SLC35F1: variants seen among roughly 807,000 people sequenced by gnomAD.
SLC35F1 encodes chromosome 6 open reading frame 169.
Under a neutral mutation model 48.7 loss-of-function variants are expected in SLC35F1, and 14 were observed. The ratio of observed to expected loss-of-function variants is 0.29; its 90% CI spans 0.19 to 0.45. The LOEUF is 0.45. SLC35F1 is among the 20% of genes least tolerant of loss of function. The pLI, the probability that SLC35F1 is intolerant of heterozygous loss-of-function variation, is 1.00. For synonymous variants in SLC35F1, 190 were observed against 202.2 expected (o/e 0.94, Z 0.51); for missense variants, 404 against 500.0 (o/e 0.81, Z 1.83).
chr6:118,307,662 G>T (rs995396409), intron 7 of SLC35F1, among the ~76,000 whole-genome samples: 2 of 152,146 alleles, frequency 1.3e-5, no homozygotes, highest in African/African-American at 4.8e-5. Context: ...CTAGTGCAGA[G>T]CCAAAATTAG....
chr6:117,933,436 T>C (rs1776125947), intron 1 of SLC35F1, among the ~76,000 whole-genome samples: 1 of 152,218 alleles, frequency 6.6e-6, no homozygotes, highest in African/African-American at 2.4e-5. Context: ...ACTCACAATA[T>C]TTCTGAGTAA....
chr6:118,277,904 C>T (rs1775936958), intron 6 of SLC35F1, among the ~76,000 whole-genome samples: 1 of 151,662 alleles, frequency 6.6e-6, no homozygotes, highest in Non-Finnish European at 1.5e-5. Context: ...ACTGATGTAA[C>T]CATTAAAAAG....
At chr6:118,252,937 A>G (rs1030225372) in intron 3 of SLC35F1, among the ~76,000 whole-genome samples, 3 of 152,134 alleles carry the variant, frequency 2.0e-5, no homozygotes, top group African/African-American at 7.2e-5. Flanking sequence ...GAATCACAAG[A>G]GGAGGGATAA....
chr6:118,035,610 G>A (rs371760364), intron 1 of SLC35F1, among the ~76,000 whole-genome samples: 114 of 133,480 alleles, frequency 8.5e-4, no homozygotes, highest in South Asian at 3.1e-3. Flanking sequence ...GTGAAACTCC[G>A]TCTCACAAAA....
At chr6:117,977,243 C>A (rs1041239555) in intron 1 of SLC35F1, among the ~76,000 whole-genome samples, 1 of 150,616 alleles carries the variant, frequency 6.6e-6, no homozygotes, top group South Asian at 2.1e-4. Flanking sequence ...CTCACCCAGG[C>A]TGGAGTGCAA....
chr6:118,169,077 C>T (rs777426278), intron 2 of SLC35F1, among the ~76,000 whole-genome samples: 3 of 152,250 alleles, frequency 2.0e-5, no homozygotes, highest in Non-Finnish European at 4.4e-5. Context: ...TCAGAGTATT[C>T]GATTACCATA....
chr6:118,297,686 A>G (rs183495596), intron 7 of SLC35F1, among the ~76,000 whole-genome samples: 51 of 113,794 alleles, frequency 4.5e-4, no homozygotes, highest in Admixed American at 3.8e-3. Flanking sequence ...TCTGAGAAAT[A>G]TATATTATAT....
chr6:118,018,310 G>C (rs796802051), intron 1 of SLC35F1, among the ~76,000 whole-genome samples: 54 of 152,118 alleles, frequency 3.5e-4, no homozygotes, highest in African/African-American at 1.3e-3. Flanking sequence ...GGCGGAGGTT[G>C]CAGTGAGCTG....
chr6:118,076,871 G>C (rs887467029), intron 1 of SLC35F1, among the ~76,000 whole-genome samples: 2 of 151,944 alleles, frequency 1.3e-5, no homozygotes, highest in African/African-American at 2.4e-5. Flanking sequence ...TGTAGGCTTA[G>C]ACGCTTTACC....
chr6:118,082,615 A>G (rs1772928110), intron 1 of SLC35F1, among the ~76,000 whole-genome samples: 1 of 152,054 alleles, frequency 6.6e-6, no homozygotes, highest in East Asian at 1.9e-4. Flanking sequence ...GAAGACCACC[A>G]AAAGTTGAGC....
intron 1 of SLC35F1, among the ~76,000 whole-genome samples, chr6:117,993,739 T>G (rs1776949815): frequency 6.6e-6 from 1 of 152,190 alleles, no homozygotes; most frequent in Admixed American, 6.5e-5. Context: ...TTTAATTGAT[T>G]TCTTGTTTCC....
At chr6:117,983,141 C>T (rs930447748) in intron 1 of SLC35F1, among the ~76,000 whole-genome samples, 4 of 152,054 alleles carry the variant, frequency 2.6e-5, no homozygotes, top group African/African-American at 9.7e-5. Context: ...ATAATTTTTC[C>T]CTTTACTGCA....
At chr6:118,066,277 C>A (rs757351180) in intron 1 of SLC35F1, among the ~76,000 whole-genome samples, 8 of 152,128 alleles carry the variant, frequency 5.3e-5, no homozygotes, top group Non-Finnish European at 8.8e-5. Context: ...AAAACCAAAT[C>A]TCTATTATGT....
At chr6:118,015,717 A>C (rs1777311708) in intron 1 of SLC35F1, among the ~76,000 whole-genome samples, 2 of 152,140 alleles carry the variant, frequency 1.3e-5, no homozygotes, top group Admixed American at 1.3e-4. Context: ...TTTTGACCAC[A>C]ACCATCAAAG....
intron 1 of SLC35F1, among the ~76,000 whole-genome samples, chr6:117,935,886 A>G (rs537556742): frequency 1.3e-5 from 2 of 152,346 alleles, no homozygotes; most frequent in African/African-American, 4.8e-5. Context: ...AAATGGGGTT[A>G]TAAATAAGTT....
chr6:117,944,654 G>A lies in SLC35F1; in HGVS notation c.173+36755G>A, dbSNP rs151131090. 7.5e-3 allele frequency among the ~76,000 whole-genome samples: 1,125 copies of A among 149,064 alleles called. 3 individuals are homozygous for A. Among genetic ancestry groups the A allele is most frequent in the Non-Finnish European group, 0.011 (736 of 67,470 alleles). On this transcript the variant is annotated intron_variant, in intron 1 of 7. Transcript: ENST00000360388. Reference sequence around the variant, plus strand: ...TATTCTAAATGCAAACACATGATACGTATTAGTTGATTTGTTTCAACTTAC... The same window carrying A: ...TATTCTAAATGCAAACACATGATACATATTAGTTGATTTGTTTCAACTTAC...
intron 1 of SLC35F1, among the ~76,000 whole-genome samples, chr6:118,141,785 T>C (rs1773893966): frequency 6.6e-6 from 1 of 152,178 alleles, no homozygotes; most frequent in African/African-American, 2.4e-5. Flanking sequence ...CATTACGAGA[T>C]GGTTTGTAAA....
chr6:118,064,449 C>G (rs1772585077), intron 1 of SLC35F1, among the ~76,000 whole-genome samples: 1 of 152,160 alleles, frequency 6.6e-6, no homozygotes, highest in Non-Finnish European at 1.5e-5. Flanking sequence ...AGCACAATAG[C>G]CATTACACTT....
intron 1 of SLC35F1, chr6:117,999,039 A>G: frequency 6.8e-7 from 1 of 1,467,772 alleles, no homozygotes; most frequent in Non-Finnish European, 9.4e-7. Flanking sequence ...AATGGTATCA[A>G]GAAACCCCGA....
Sources: gnomAD v4.1 joint callset for allele counts (sites outside exome capture counted in the v4.1 genomes callset) on GRCh38, gnomAD v4.1.1 for gene constraint, MANE v1.5 for transcripts, NCBI Gene and HGNC (gene_info 2026-07-23, HGNC 2026-07-21) for gene names.